SPACA7: variants seen among roughly 807,000 people sequenced by gnomAD.
SPACA7 encodes sperm acrosome associated 7, also known as sperm acrosome-associated protein 7.
In SPACA7, 19 loss-of-function variants were observed where a neutral mutation model predicts 26.3. That is an observed-to-expected ratio of 0.72 (90% CI 0.50 to 1.06). The LOEUF (loss-of-function observed/expected upper bound fraction) is 1.06. Among genes scored for constraint, SPACA7 ranks in the 50% least tolerant of loss-of-function variants. SPACA7 has a pLI of 0.00. For synonymous variants in SPACA7, 84 were observed against 84.5 expected (o/e 0.99, Z 0.04); for missense variants, 211 against 229.9 (o/e 0.92, Z 0.53).
chr13:112,409,768 G>A (rs1886225489), intron 5 of SPACA7, among the ~76,000 whole-genome samples: 1 of 152,154 alleles, frequency 6.6e-6, no homozygotes, highest in Admixed American at 6.5e-5. Flanking sequence ...ACTGTTGTTG[G>A]GACTGTAAAC....
chr13:112,432,943 C>T (rs1275084812), intron 6 of SPACA7, among the ~76,000 whole-genome samples: 1 of 152,190 alleles, frequency 6.6e-6, no homozygotes, highest in Admixed American at 6.5e-5. Context: ...TGGGGACCCC[C>T]AGTCCAGCCC....
At chr13:112,384,929 A>C (rs76370857) in intron 1 of SPACA7, among the ~76,000 whole-genome samples, 12,992 of 152,250 alleles carry the variant, frequency 0.085, 581 homozygotes, top group Non-Finnish European at 0.087. Context: ...ATCAAATAAA[A>C]TTTTATATCT....
At chr13:112,415,299 A>G (rs1886621915) in intron 5 of SPACA7, among the ~76,000 whole-genome samples, 1 of 152,230 alleles carries the variant, frequency 6.6e-6, no homozygotes, top group Admixed American at 6.5e-5. Context: ...CCAGACAAGC[A>G]CAGTACCAGA....
intron 5 of SPACA7, among the ~76,000 whole-genome samples, chr13:112,405,393 T>A (rs186707158): frequency 2.6e-5 from 4 of 152,310 alleles, no homozygotes; most frequent in Admixed American, 1.3e-4. Context: ...TATAGTGTTT[T>A]CATTATTATT....
At chr13:112,378,783 G>A in intron 1 of SPACA7, 1 of 470,846 alleles carries the variant, frequency 2.1e-6, no homozygotes, top group Non-Finnish European at 4.4e-6. Flanking sequence ...AAACTGTCTG[G>A]TCACCTCTGA....
chr13:112,421,263 A>T (rs956660959), intron 5 of SPACA7, among the ~76,000 whole-genome samples: 2 of 151,774 alleles, frequency 1.3e-5, no homozygotes, highest in African/African-American at 4.8e-5. Flanking sequence ...CAAAGCAAAA[A>T]GGAGGGCAAC....
At chr13:112,427,784 C>T (rs942852232) in intron 5 of SPACA7, among the ~76,000 whole-genome samples, 5 of 152,134 alleles carry the variant, frequency 3.3e-5, no homozygotes, top group African/African-American at 9.6e-5. Context: ...AATTTGGGTC[C>T]TTATGGGAAC....
At chr13:112,393,217 A>T in intron 2 of SPACA7, 140 bp downstream of exon 2, 1 of 590,648 alleles carries the variant, frequency 1.7e-6, no homozygotes, top group East Asian at 2.7e-5. Context: ...ATCATATACC[A>T]ATGGCCCATA....
At chr13:112,397,843 T>C (rs1450628942) in intron 2 of SPACA7, among the ~76,000 whole-genome samples, 2 of 152,164 alleles carry the variant, frequency 1.3e-5, no homozygotes, top group African/African-American at 2.4e-5. Flanking sequence ...TCAGTTTTTC[T>C]GAAATTATTG....
chr13:112,399,205 AGTC>A, intron 4 of SPACA7, 32 bp downstream of exon 4: 1 of 1,161,542 alleles, frequency 8.6e-7, no homozygotes, highest in Non-Finnish European at 1.3e-6. Flanking sequence ...CCCCTTCCCA[AGTC>A]CAGCTGTAAT....
At chr13:112,402,670 G>T (rs1885723187) in intron 5 of SPACA7, among the ~76,000 whole-genome samples, 1 of 152,088 alleles carries the variant, frequency 6.6e-6, no homozygotes, top group Admixed American at 6.6e-5. Flanking sequence ...TGGAACAGAG[G>T]CACACACATT....
intron 6 of SPACA7, among the ~76,000 whole-genome samples, chr13:112,434,227 T>C (rs1397354610): frequency 2.6e-5 from 4 of 152,078 alleles, no homozygotes; most frequent in African/African-American, 9.7e-5. Context: ...GGCTTGGAGT[T>C]GTCGATGGGT....
intron 6 of SPACA7, among the ~76,000 whole-genome samples, chr13:112,433,567 C>T (rs1484213350): frequency 2.0e-5 from 3 of 151,664 alleles, no homozygotes; most frequent in Admixed American, 6.6e-5. Flanking sequence ...GCGTGGGAAG[C>T]CGGCCAGCTC....
At chr13:112,421,975 A>G (rs1292928419) in intron 5 of SPACA7, among the ~76,000 whole-genome samples, 1 of 152,146 alleles carries the variant, frequency 6.6e-6, no homozygotes. Context: ...GGAGAATGGG[A>G]GGAGGGAGAG....
intron 5 of SPACA7, among the ~76,000 whole-genome samples, chr13:112,404,207 G>T (rs1179818861): frequency 6.6e-6 from 1 of 152,072 alleles, no homozygotes; most frequent in Admixed American, 6.5e-5. Flanking sequence ...CTGTTCGTTG[G>T]CCATTTGTAT....
intron 5 of SPACA7, among the ~76,000 whole-genome samples, chr13:112,427,431 G>T (rs1876641296): frequency 6.6e-6 from 1 of 152,294 alleles, no homozygotes; most frequent in African/African-American, 2.4e-5. Context: ...TCATTATATT[G>T]TTGGATTTAA....
intron 5 of SPACA7, among the ~76,000 whole-genome samples, chr13:112,422,881 A>C (rs1005306251): frequency 2.0e-5 from 3 of 152,248 alleles, no homozygotes; most frequent in Non-Finnish European, 4.4e-5. Flanking sequence ...GGAGTTAAGC[A>C]GAACTAACAT....
At chr13:112,388,374 T>C (rs1884668046) in intron 1 of SPACA7, among the ~76,000 whole-genome samples, 1 of 151,842 alleles carries the variant, frequency 6.6e-6, no homozygotes, top group Non-Finnish European at 1.5e-5. Context: ...TACCCTACCA[T>C]GGGGCTACAG....
At chr13:112,378,104 G>C (rs1227565570) in intron 1 of SPACA7, among the ~76,000 whole-genome samples, 5 of 152,114 alleles carry the variant, frequency 3.3e-5, no homozygotes, top group African/African-American at 4.8e-5. Flanking sequence ...AGCCTTTCCA[G>C]ATGGTCCCAC....
Sources: allele counts gnomAD v4.1 joint callset (sites outside exome capture counted in the v4.1 genomes callset), GRCh38; gene constraint gnomAD v4.1.1; transcripts MANE v1.5; gene names NCBI Gene and HGNC (gene_info 2026-07-23, HGNC 2026-07-21).